SPON1: variants seen among roughly 807,000 people sequenced by gnomAD.
The protein encoded by SPON1 is spondin 1, also known as spondin-1.
Under a neutral mutation model 111.7 loss-of-function variants are expected in SPON1, and 52 were observed. The ratio of observed to expected loss-of-function variants is 0.47; its 90% CI spans 0.37 to 0.59. The LOEUF is 0.59. Ranked by LOEUF, SPON1 falls within the 20% of genes least tolerant of loss-of-function variation. The probability of loss-of-function intolerance (pLI) is 0.00; values close to 1 mark genes in which losing one functional copy is unlikely to be tolerated. For missense variants in SPON1, 957 were observed against 1,068.5 expected (o/e 0.90, Z 1.46); for synonymous variants, 410 against 395.8 (o/e 1.04, Z -0.43).
chr11:14,050,917 C>T (rs1396555600), intron 3 of SPON1, among the ~76,000 whole-genome samples: 1 of 152,192 alleles, frequency 6.6e-6, no homozygotes, highest in Non-Finnish European at 1.5e-5. Context: ...TGAACACTTG[C>T]TGCAGCATCA....
chr11:14,142,754 T>A (rs782768124), intron 6 of SPON1, among the ~76,000 whole-genome samples: 1 of 152,160 alleles, frequency 6.6e-6, no homozygotes, highest in Non-Finnish European at 1.5e-5. Flanking sequence ...TGAAGTCTAG[T>A]TTGATTGTAA....
At chr11:14,232,752 T>A (rs1420943811) in intron 6 of SPON1, among the ~76,000 whole-genome samples, 2 of 152,222 alleles carry the variant, frequency 1.3e-5, no homozygotes, top group Admixed American at 6.5e-5. Flanking sequence ...CTGCCATTTT[T>A]CTCAACTCCA....
intron 3 of SPON1, among the ~76,000 whole-genome samples, chr11:14,068,137 C>T (rs1848846813): frequency 6.6e-6 from 1 of 151,952 alleles, no homozygotes; most frequent in Admixed American, 6.6e-5. Flanking sequence ...ATTAGTTTTC[C>T]ATTGGATTTG....
At chr11:14,253,695 G>A (rs1314518632) in intron 7 of SPON1, among the ~76,000 whole-genome samples, 2 of 152,218 alleles carry the variant, frequency 1.3e-5, no homozygotes, top group African/African-American at 4.8e-5. Context: ...GGGGTGCAGA[G>A]TCAGGCCAAG....
intron 3 of SPON1, among the ~76,000 whole-genome samples, chr11:14,071,488 C>G (rs1358560): frequency 0.27 from 40,413 of 152,006 alleles, 6,434 homozygotes; most frequent in South Asian, 0.41. Flanking sequence ...AGTTACAATG[C>G]CCTATGTCTA....
intron 3 of SPON1, among the ~76,000 whole-genome samples, chr11:14,067,266 T>C (rs1314345964): frequency 6.6e-6 from 1 of 152,176 alleles, no homozygotes; most frequent in African/African-American, 2.4e-5. Flanking sequence ...AGAGCCTGAC[T>C]CCTCCTTTCC....
chr11:14,198,661 G>A (rs939126195), intron 6 of SPON1, among the ~76,000 whole-genome samples: 2 of 152,170 alleles, frequency 1.3e-5, no homozygotes, highest in African/African-American at 2.4e-5. Flanking sequence ...CATTCAGGGC[G>A]TGGGCCCTGG....
chr11:14,063,994 T>C (rs1848811702), intron 3 of SPON1, among the ~76,000 whole-genome samples: 1 of 152,222 alleles, frequency 6.6e-6, no homozygotes, highest in African/African-American at 2.4e-5. Context: ...ACAGAGGAGT[T>C]TGTGCTTCTT....
At chr11:14,193,244 C>G (rs1450734335) in intron 6 of SPON1, among the ~76,000 whole-genome samples, 1 of 152,134 alleles carries the variant, frequency 6.6e-6, no homozygotes, top group Non-Finnish European at 1.5e-5. Context: ...CAGGATGGTC[C>G]TGAGATTCTA....
intron 5 of SPON1, among the ~76,000 whole-genome samples, chr11:14,133,380 G>C (rs529334414): frequency 6.6e-6 from 1 of 152,364 alleles, no homozygotes; most frequent in South Asian, 2.1e-4. Context: ...GACTGTAAGA[G>C]TGATAATAAA....
chr11:14,025,544 T>A (rs1326197762), intron 2 of SPON1, among the ~76,000 whole-genome samples: 1 of 152,194 alleles, frequency 6.6e-6, no homozygotes, highest in Admixed American at 6.5e-5. Context: ...CCTGGAGCTG[T>A]CGATTCCACT....
chr11:14,047,339 G>T (rs1554917931), intron 3 of SPON1, among the ~76,000 whole-genome samples: 1 of 152,108 alleles, frequency 6.6e-6, no homozygotes, highest in Non-Finnish European at 1.5e-5. Flanking sequence ...CTTTAGCTAA[G>T]AAACTTCCCT....
In SPON1 at chr11:13,983,083, G is replaced by T. The variant is rs534361392; in HGVS notation, c.345+130G>T. 159 of 636,524 alleles carry T rather than the reference G, an allele frequency of 2.5e-4. 5 individuals are homozygous for T. Among genetic ancestry groups the T allele is most frequent in the South Asian group, 2.2e-3 (115 of 51,316 alleles). The allele number at this position is 636,524 out of a possible 1,614,324, so 39.4% of individuals were successfully genotyped here. On this transcript the variant is annotated intron_variant, in intron 2 of 15. Coordinates refer to ENST00000576479, the MANE Select transcript of SPON1 (RefSeq NM_006108.4). The stretch of plus-strand genomic sequence containing the variant: ...TTGGCCAACGGGGGCAGGTCCATTT[G>T]AAAGGGTCATCATGGAGCAAGCAGC...
intron 6 of SPON1, among the ~76,000 whole-genome samples, chr11:14,193,147 C>A (rs545259809): frequency 6.6e-6 from 1 of 152,160 alleles, no homozygotes; most frequent in Non-Finnish European, 1.5e-5. Flanking sequence ...AGATCAGGCA[C>A]TGGAAAATTA....
chr11:14,047,215 A>C (rs782046355), intron 3 of SPON1, among the ~76,000 whole-genome samples: 1 of 152,154 alleles, frequency 6.6e-6, no homozygotes, highest in Non-Finnish European at 1.5e-5. Context: ...ACAGTATTGC[A>C]TAGTAGTATT....
At chr11:14,060,099 AC>A (rs560744398) in intron 3 of SPON1, among the ~76,000 whole-genome samples, 3 of 151,976 alleles carry the variant, frequency 2.0e-5, no homozygotes, top group Non-Finnish European at 4.4e-5. Context: ...CTTCCGCTCT[AC>A]CCCCCCAACT....
intron 6 of SPON1, among the ~76,000 whole-genome samples, chr11:14,221,707 A>G (rs1221784247): frequency 3.3e-5 from 5 of 152,092 alleles, no homozygotes; most frequent in African/African-American, 7.2e-5. Flanking sequence ...CTTCTTATCA[A>G]TGGGGGGTTC....
intron 2 of SPON1, among the ~76,000 whole-genome samples, chr11:14,032,551 A>G (rs1286672147): frequency 2.0e-5 from 3 of 152,192 alleles, no homozygotes; most frequent in Admixed American, 1.3e-4. Flanking sequence ...TGCTTCGTCA[A>G]TACTATCTCA....
intron 7 of SPON1, among the ~76,000 whole-genome samples, chr11:14,244,021 A>G (rs1022804057): frequency 1.3e-5 from 2 of 152,200 alleles, no homozygotes; most frequent in Non-Finnish European, 2.9e-5. Flanking sequence ...GCTGTTCTCC[A>G]TGTGGAGAAA....
Sources: allele counts gnomAD v4.1 joint callset (sites outside exome capture counted in the v4.1 genomes callset), GRCh38; gene constraint gnomAD v4.1.1; transcripts MANE v1.5; gene names NCBI Gene and HGNC (gene_info 2026-07-23, HGNC 2026-07-21).